The following BCLAF1 variants were observed in gnomAD, a reference collection of about 807,000 sequenced individuals.
BCLAF1 encodes bcl-2-associated transcription factor 1.
A neutral mutation model predicts 99.5 loss-of-function variants in BCLAF1; 10 were observed. The ratio of observed to expected loss-of-function variants is 0.10; its 90% confidence interval spans 0.06 to 0.17. The LOEUF (loss-of-function observed/expected upper bound fraction) is 0.17, where lower values mean the gene tolerates loss of function less well. Ranked by LOEUF, BCLAF1 falls within the 10% of genes least tolerant of loss-of-function variation. The pLI, the probability that BCLAF1 is intolerant of heterozygous loss-of-function variation, is 1.00. For missense variants in BCLAF1, 636 were observed against 1,105.8 expected, an observed-to-expected ratio of 0.58 and a Z score of 6.02; for synonymous variants, 255 against 370.9, an observed-to-expected ratio of 0.69 and a Z score of 3.59.
chr6:136,268,365 G>T (rs911554423), intron 9 of BCLAF1, 26 bp from the exon 10 acceptor site: 1 of 1,563,554 alleles, frequency 6.4e-7, no homozygotes, highest in Admixed American at 1.9e-5. Flanking sequence ...AACAAAAAAT[G>T]TGATACTTTT....
chr6:136,268,473 G>A (rs1046609157), intron 9 of BCLAF1, 134 bp from the exon 10 acceptor site: 8 of 830,070 alleles, frequency 9.6e-6, no homozygotes. Flanking sequence ...AAATAATTGG[G>A]TGTTAAACTT....
intron 8 of BCLAF1, among the ~76,000 whole-genome samples, chr6:136,270,912 A>G (rs1378992047): frequency 6.6e-6 from 1 of 151,800 alleles, no homozygotes; most frequent in Non-Finnish European, 1.5e-5. Context: ...TTAAAAACCA[A>G]AAAAAGTATT....
intron 2 of BCLAF1, among the ~76,000 whole-genome samples, chr6:136,281,128 G>T (rs571749028): frequency 6.6e-6 from 1 of 152,228 alleles, no homozygotes; most frequent in African/African-American, 2.4e-5. Flanking sequence ...AGATGTTTGA[G>T]ATAAATGCTT....
Position 136,259,628 on chromosome 6 carries a change from T to G in BCLAF1, c.*1482A>C, listed in dbSNP as rs1215572797. Reference sequence around the variant, plus strand: ...GCCATAAACATCACATATGTTGAGTTTGCTTTTAGTTTTGTTTCCAACAGT... The same window carrying G: ...GCCATAAACATCACATATGTTGAGTGTGCTTTTAGTTTTGTTTCCAACAGT... On this transcript the variant is annotated 3_prime_UTR_variant, in exon 13 of 13. Transcript: ENST00000531224. 1 of 152,036 alleles carries G rather than the reference T, an allele frequency of 6.6e-6. No individual in the cohort carries two copies. The highest frequency in any genetic ancestry group is 1.5e-5 in the Non-Finnish European group (1 of 67,898). The allele number at this position is 152,036 out of a possible 1,614,324, so 9.4% of individuals were successfully genotyped here.
At chr6:136,283,886 A>C (rs1784712610) in intron 1 of BCLAF1, among the ~76,000 whole-genome samples, 1 of 152,092 alleles carries the variant, frequency 6.6e-6, no homozygotes, top group South Asian at 2.1e-4. Flanking sequence ...ATTGGGTACA[A>C]AAACAAAGGA....
chr6:136,285,880 C>T (rs1355032432), intron 1 of BCLAF1, among the ~76,000 whole-genome samples: 5 of 151,966 alleles, frequency 3.3e-5, no homozygotes, highest in Non-Finnish European at 7.4e-5. Context: ...TGAGCGGATC[C>T]TGAGGTTAGG....
chr6:136,267,100 T>A lies in BCLAF1; in HGVS notation c.2473A>T (p.Thr825Ser). The A allele has an allele frequency of 6.2e-7, 1 of 1,613,268 alleles. No individual in the cohort carries two copies. The highest frequency in any genetic ancestry group is 8.5e-7 in the Non-Finnish European group (1 of 1,179,438). The change falls in exon 11 of 13, where the codon ACT (threonine) becomes TCT (serine). Residue 825 changes from threonine to serine, a missense_variant. Thr to Ser is a moderately conservative substitution (Grantham distance 58, BLOSUM62 1). Transcript: ENST00000531224. ...TNTGPNNSNT[T>S]FQKRPKEEEW... ...TCTTCCTTCGGTCTCTTTTGAAAAG[T>A]AGTATTTGAGTTGTTTGGACCAGTA...
chr6:136,267,859 T>C (rs1007346943), intron 10 of BCLAF1, among the ~76,000 whole-genome samples: 6 of 152,002 alleles, frequency 3.9e-5, no homozygotes, highest in Admixed American at 2.6e-4. Flanking sequence ...AAAAACTAAG[T>C]GATTAAAGAA....
Position 136,259,794 on chromosome 6 carries a change from A to G in BCLAF1, c.*1316T>C, listed in dbSNP as rs1007967330. 6 of 152,078 alleles carry G rather than the reference A, an allele frequency of 3.9e-5. No individual in the cohort carries two copies. The highest frequency in any genetic ancestry group is 1.4e-4 in the African/African-American group (6 of 41,454). 9.4% of individuals were successfully genotyped at this position (152,078 alleles called of 1,614,324 possible). A position where few individuals can be genotyped will look rare whatever the true frequency, so the allele number is the denominator to read the frequency against. On this transcript the variant is annotated 3_prime_UTR_variant, in exon 13 of 13. Transcript: ENST00000531224. ...TAAGCATTAGCTCCTTTTAACACACACACACAACTAAATTAACAAATGAAA... is the reference window on the plus strand; with the variant it reads ...TAAGCATTAGCTCCTTTTAACACACGCACACAACTAAATTAACAAATGAAA...
Position 136,267,150 on chromosome 6 carries a change from G to C in BCLAF1, c.2423C>G (p.Ala808Gly). 9 of 1,612,706 alleles carry C rather than the reference G, an allele frequency of 5.6e-6. No individual in the cohort carries two copies. The highest frequency in any genetic ancestry group is 7.6e-6 in the Non-Finnish European group (9 of 1,179,160). The change falls in exon 11 of 13, where the codon GCC becomes GGC. Residue 808 changes from alanine to glycine, a missense_variant. This residue lies in a region of BCLAF1 where 30 missense variants were observed against 22.9 expected (regional missense o/e 1.31). Transcript: ENST00000531224. ...TFFRIRGRGR[A>G]RGVFAGTNTG... ...ATTTGTCCCAGCAAAAACTCCTCTG[G>C]CTCTTCCTCTGCCTCTAATTCGAAA... is the stretch of plus-strand genomic sequence containing the variant.
intron 1 of BCLAF1, among the ~76,000 whole-genome samples, chr6:136,283,036 G>A (rs1784584899): frequency 6.6e-6 from 1 of 151,896 alleles, no homozygotes; most frequent in Non-Finnish European, 1.5e-5. Flanking sequence ...GGTAGCACAA[G>A]CCTGTAGTCC....
At chr6:136,268,944 G>A (rs1782128646) in intron 9 of BCLAF1, 1 of 243,128 alleles carries the variant, frequency 4.1e-6, no homozygotes, top group Admixed American at 5.4e-5. Context: ...GGTCATACCT[G>A]TGGTTAACTC....
rs1780525135 is a variant in BCLAF1, at chr6:136,257,279, T to C, written c.*3831A>G. Reference sequence around the variant, plus strand: ...ATTATTTGAATGTTTCTAGTTGTGGTGGAATGCTATCCTAATAATGCCTGT... The same window carrying C: ...ATTATTTGAATGTTTCTAGTTGTGGCGGAATGCTATCCTAATAATGCCTGT... On this transcript the variant is annotated 3_prime_UTR_variant, in exon 13 of 13. Transcript: ENST00000531224. The C allele has an allele frequency of 6.6e-6, 1 of 152,216 alleles. No homozygotes were observed. Among genetic ancestry groups the C allele is most frequent in the African/African-American group, 2.4e-5 (1 of 41,466 alleles). The allele number at this position is 152,216 out of a possible 1,614,324, so 9.4% of individuals were successfully genotyped here.
At position 136,277,932 on chromosome 6, in the gene BCLAF1, C is replaced by T. The variant is rs773276774; in HGVS notation, c.949G>A (p.Gly317Ser). The change falls in exon 4 of 13, where the codon GGC becomes AGC. Residue 317 changes from glycine to serine, a missense_variant. Gly to Ser is a moderately conservative substitution (Grantham distance 56). Transcript: ENST00000531224. ...PQNAPRDESR[G>S]RSSFYPDGGD... ...CCATCAGGATAAAACGAGGAACGGC[C>T]CCTAGACTCATCTCTTGGAGCATTC... 1 of 1,585,224 alleles carries T rather than the reference C, an allele frequency of 6.3e-7. No individual in the cohort carries two copies. The highest frequency in any genetic ancestry group is 1.4e-5 in the African/African-American group (1 of 73,608).
intron 10 of BCLAF1, among the ~76,000 whole-genome samples, chr6:136,267,568 T>C (rs1781888047): frequency 6.6e-6 from 1 of 151,894 alleles, no homozygotes; most frequent in Admixed American, 6.6e-5. Context: ...ATCTAATAAA[T>C]GAACTCCACC....
chr6:136,261,687 C>T (rs1371499672), intron 11 of BCLAF1, among the ~76,000 whole-genome samples: 1 of 152,108 alleles, frequency 6.6e-6, no homozygotes, highest in Non-Finnish European at 1.5e-5. Flanking sequence ...TACTACTTAG[C>T]AACCCAAGCA....
At chr6:136,280,825 C>T (rs1383424509) in intron 2 of BCLAF1, among the ~76,000 whole-genome samples, 1 of 152,150 alleles carries the variant, frequency 6.6e-6, no homozygotes, top group Non-Finnish European at 1.5e-5. Context: ...ATATCTTAGC[C>T]TCTCAAGCTT....
At chr6:136,275,385 T>G (rs755948608) in intron 6 of BCLAF1, 147 bp downstream of exon 6, 14 of 728,268 alleles carry the variant, frequency 1.9e-5, no homozygotes, top group Non-Finnish European at 2.6e-5. Flanking sequence ...AGGGACTCTC[T>G]TCTATGAAAC....
At position 136,282,575 on chromosome 6, in the gene BCLAF1, C is replaced by T. The variant is rs1341495869; in HGVS notation, c.-11+9G>A. 2.6e-5 allele frequency: 4 copies of T among 152,108 alleles called. No individual in the cohort carries two copies. Among genetic ancestry groups the T allele is most frequent in the Admixed American group, 1.3e-4 (2 of 15,280 alleles). The allele number at this position is 152,108 out of a possible 1,614,324, so 9.4% of individuals were successfully genotyped here. On this transcript the variant is annotated intron_variant, in intron 2 of 12. Coordinates refer to ENST00000531224, the MANE Select transcript of BCLAF1 (RefSeq NM_014739.3). Reference sequence around the variant, plus strand: ...AAAGTGAAAACTAGAAAAATGAATGCTCTTTTACCTTGGTTTTATGCAGGA... The same window carrying T: ...AAAGTGAAAACTAGAAAAATGAATGTTCTTTTACCTTGGTTTTATGCAGGA...
Sources: allele counts gnomAD v4.1 joint callset (sites outside exome capture counted in the v4.1 genomes callset), GRCh38; gene constraint gnomAD v4.1.1; regional missense constraint gnomAD v4.1.1; transcripts MANE v1.5; gene names NCBI Gene and HGNC (gene_info 2026-07-23, HGNC 2026-07-21).